Variants in BIRC6 observed in about 807,000 individuals in gnomAD.
BIRC6 encodes the protein baculoviral IAP repeat containing 6, also known as dual E2 ubiquitin-conjugating enzyme/E3 ubiquitin-protein ligase BIRC6.
A neutral mutation model predicts 503.3 loss-of-function variants in BIRC6; 98 were observed. That is an observed-to-expected ratio of 0.19 (90% CI 0.17 to 0.23). The LOEUF (loss-of-function observed/expected upper bound fraction) is 0.23, where lower values mean the gene tolerates loss of function less well. Ranked by LOEUF, BIRC6 falls within the 10% of genes least tolerant of loss-of-function variation. The pLI is 1.00. For synonymous variants in BIRC6, 2,240 were observed against 2,078.7 expected (o/e 1.08, Z -2.11); for missense variants, 5,360 against 5,806.0 (o/e 0.92, Z 2.50).
intron 19 of BIRC6, among the ~76,000 whole-genome samples, chr2:32,442,737 C>G (rs1268767078): frequency 1.3e-5 from 2 of 152,094 alleles, no homozygotes; most frequent in East Asian, 3.9e-4. Context: ...ACTCTTAAAC[C>G]CTTTTCACTC....
intron 9 of BIRC6, among the ~76,000 whole-genome samples, chr2:32,414,119 A>ATGT (rs778162279): frequency 2.7e-5 from 4 of 149,626 alleles, no homozygotes; most frequent in Non-Finnish European, 5.9e-5. Context: ...TGGAGAAACC[A>ATGT]TGTCTCTACT....
In BIRC6 at chr2:32,617,786, C is replaced by T. The variant is rs769296940; in HGVS notation, c.14456C>T (p.Pro4819Leu). 6.2e-7 allele frequency: 1 copy of T among 1,614,022 alleles called. No individual in the cohort carries two copies. The highest frequency in any genetic ancestry group is 8.5e-7 in the Non-Finnish European group (1 of 1,179,892). ...LKLPCPEGLD[P>L]DTDDAPEVCR... The stretch of plus-strand genomic sequence containing the variant: ...CTTCCCTGCCCTGAAGGCTTGGATC[C>T]TGACACTGACGATGCCCCAGAGGTG... Residue 4819 changes from proline (P) to leucine (L), a missense_variant, in exon 74 of 74, where the codon CCT becomes CTT. Pro to Leu is a moderately conservative substitution (Grantham distance 98). Around this residue, in one of 16 missense-constraint regions of BIRC6, gnomAD observed 140 missense variants for 130.2 expected, o/e 1.07. Transcript: ENST00000421745.
chr2:32,529,954 T>G (rs1291731830), intron 60 of BIRC6, 130 bp downstream of exon 60: 1 of 540,166 alleles, frequency 1.9e-6, no homozygotes, highest in Non-Finnish European at 2.8e-6. Context: ...TATGACTGAA[T>G]TTTTGTAAAT....
At chr2:32,426,016 G>T (rs1285049847) in intron 10 of BIRC6, among the ~76,000 whole-genome samples, 1 of 152,146 alleles carries the variant, frequency 6.6e-6, no homozygotes, top group African/African-American at 2.4e-5. Flanking sequence ...TAGATATCCT[G>T]TTAGGTCCCA....
intron 61 of BIRC6, among the ~76,000 whole-genome samples, chr2:32,537,983 A>C (rs1301830738): frequency 6.6e-6 from 1 of 151,708 alleles, no homozygotes; most frequent in Non-Finnish European, 1.5e-5. Flanking sequence ...AAAAGCAAAC[A>C]AAAAAAACAA....
At chr2:32,603,277 G>A (rs940865472) in intron 71 of BIRC6, among the ~76,000 whole-genome samples, 194 bp downstream of exon 71, 1 of 152,116 alleles carries the variant, frequency 6.6e-6, no homozygotes, top group Non-Finnish European at 1.5e-5. Flanking sequence ...AAAATCTCAA[G>A]TTGGGGCATA....
At chr2:32,359,801 T>C (rs1005150265) in intron 1 of BIRC6, among the ~76,000 whole-genome samples, 1 of 152,142 alleles carries the variant, frequency 6.6e-6, no homozygotes, top group Non-Finnish European at 1.5e-5. Flanking sequence ...ACTTCCGGCC[T>C]CAAATGATCC....
intron 65 of BIRC6, among the ~76,000 whole-genome samples, chr2:32,566,814 A>G (rs776346915): frequency 3.9e-5 from 6 of 151,924 alleles, no homozygotes; most frequent in Non-Finnish European, 5.9e-5. Flanking sequence ...CAGTTTCTCT[A>G]TTTTACAGTT....
intron 55 of BIRC6, among the ~76,000 whole-genome samples, chr2:32,516,999 A>G (rs879592853): frequency 6.6e-6 from 1 of 152,172 alleles, no homozygotes; most frequent in Non-Finnish European, 1.5e-5. Flanking sequence ...AATAGATAAT[A>G]TAATTTTTAT....
Position 32,599,884 on chromosome 2 carries a change from T to A in BIRC6, c.13976T>A (p.Leu4659His). 6.2e-7 allele frequency: 1 copy of A among 1,613,402 alleles called. No individual in the cohort carries two copies. Among genetic ancestry groups the A allele is most frequent in the Non-Finnish European group, 8.5e-7 (1 of 1,179,628 alleles). ...CATAGCGTGCGATTCAATCCAAACC[T>A]TTATAATGATGGCAAGGTAAATTAA... ...GGHSVRFNPNLYNDGKVCLSI... is the reference protein window; with the variant it reads ...GGHSVRFNPNHYNDGKVCLSI... The change falls in exon 70 of 74, where the codon CTT becomes CAT. Residue 4659 changes from leucine (L) to histidine (H), a missense_variant. Physicochemically the swap from Leu to His is moderately conservative, Grantham distance 99 (BLOSUM62 -3). This residue lies in a region of BIRC6 where 66 missense variants were observed against 113.2 expected (regional missense o/e 0.58). Coordinates refer to ENST00000421745, the MANE Select transcript of BIRC6 (RefSeq NM_016252.4).
intron 2 of BIRC6, 82 bp downstream of exon 2, chr2:32,377,851 C>G (rs543971540): frequency 1.8e-4 from 230 of 1,244,372 alleles, no homozygotes; most frequent in Admixed American, 1.4e-3. Context: ...TTAAGTCATC[C>G]TTTAAGGACG....
chr2:32,547,744 A>G, intron 63 of BIRC6, 106 bp from the exon 64 acceptor site: 1 of 1,034,294 alleles, frequency 9.7e-7, no homozygotes, highest in Non-Finnish European at 1.3e-6. Context: ...GCAGCCACCA[A>G]ACTGTTTTCC....
At chr2:32,523,151 G>T (rs899811894) in intron 57 of BIRC6, 1 of 151,010 alleles carries the variant, frequency 6.6e-6, no homozygotes, top group Non-Finnish European at 1.5e-5. Flanking sequence ...TTCCAGAAGT[G>T]GAATTCTAAA....
chr2:32,464,879 T>C (rs1334050528), intron 25 of BIRC6, 56 bp downstream of exon 25: 7 of 1,531,250 alleles, frequency 4.6e-6, no homozygotes, highest in South Asian at 2.6e-5. Context: ...TCTTGAAATA[T>C]ACTCTAACTT....
Position 32,488,717 on chromosome 2 carries a change from A to G in BIRC6, c.8095+3A>G. ...ACCTGTTATTTCATTAAATCAAGGTAAGATTTATTAGGAGAAAAACATTAT... is the reference window on the plus strand; with the variant it reads ...ACCTGTTATTTCATTAAATCAAGGTGAGATTTATTAGGAGAAAAACATTAT... On this transcript the variant is annotated splice_donor_region_variant and intron_variant, in intron 42 of 73. Transcript: ENST00000421745. 1 of 1,378,554 alleles carries G rather than the reference A, an allele frequency of 7.3e-7. No homozygotes were observed. The highest frequency in any genetic ancestry group is 9.8e-7 in the Non-Finnish European group (1 of 1,016,632). 85.4% of individuals were successfully genotyped at this position (1,378,554 alleles called of 1,614,324 possible). A position where few individuals can be genotyped will look rare whatever the true frequency, so the allele number is the denominator to read the frequency against.
At chr2:32,506,320 G>A (rs1043931027) in intron 50 of BIRC6, among the ~76,000 whole-genome samples, 1 of 152,232 alleles carries the variant, frequency 6.6e-6, no homozygotes, top group Non-Finnish European at 1.5e-5. Flanking sequence ...TGGCATCTTT[G>A]GAGAAAACAA....
chr2:32,380,325 T>C (rs1310089681), intron 3 of BIRC6, 35 bp downstream of exon 3: 1 of 1,561,640 alleles, frequency 6.4e-7, no homozygotes, highest in Admixed American at 2.2e-5. Flanking sequence ...TTTGGGGTTA[T>C]ATTACAATGG....
intron 59 of BIRC6, chr2:32,526,839 T>C (rs2056315142): frequency 6.6e-6 from 1 of 152,492 alleles, no homozygotes; most frequent in Non-Finnish European, 1.5e-5. Context: ...TAAGAGAAGA[T>C]ACGACATTAC....
chr2:32,472,902 A>G (rs1403733458), intron 32 of BIRC6: 7 of 392,746 alleles, frequency 1.8e-5, no homozygotes, highest in African/African-American at 4.2e-5. Context: ...TCTGGTTTTA[A>G]AATGATTTAG....
Sources: gnomAD v4.1 joint callset for allele counts (sites outside exome capture counted in the v4.1 genomes callset) on GRCh38, gnomAD v4.1.1 for gene constraint, gnomAD v4.1.1 regional missense constraint, MANE v1.5 for transcripts, NCBI Gene and HGNC (gene_info 2026-07-23, HGNC 2026-07-21) for gene names.